PTPRM: variants seen among roughly 807,000 people sequenced by gnomAD.
PTPRM encodes protein tyrosine phosphatase receptor type M, also known as receptor-type tyrosine-protein phosphatase mu.
PTPRM carries 47 observed loss-of-function variants against 186.7 expected under a neutral mutation model. The ratio of observed to expected loss-of-function variants is 0.25; its 90% CI spans 0.20 to 0.32. PTPRM has a LOEUF of 0.32. Among genes scored for constraint, PTPRM ranks in the 10% least tolerant of loss-of-function variants. PTPRM has a pLI of 1.00. For synonymous variants in PTPRM, 668 were observed against 674.9 expected (o/e 0.99, Z 0.16); for missense variants, 1,494 against 1,865.0 (o/e 0.80, Z 3.66).
intron 2 of PTPRM, among the ~76,000 whole-genome samples, chr18:7,785,249 T>C (rs1423771090): frequency 6.6e-6 from 1 of 152,154 alleles, no homozygotes; most frequent in African/African-American, 2.4e-5. Context: ...TGAGTATGTG[T>C]AGAGGAAAAT....
At chr18:7,961,154 G>A (rs566255747) in intron 7 of PTPRM, among the ~76,000 whole-genome samples, 21 of 152,082 alleles carry the variant, frequency 1.4e-4, no homozygotes, top group Non-Finnish European at 2.8e-4. Flanking sequence ...TACACTCTTT[G>A]TTATTTTTAA....
chr18:7,826,150 G>A (rs1892068132), intron 2 of PTPRM, among the ~76,000 whole-genome samples: 1 of 152,056 alleles, frequency 6.6e-6, no homozygotes, highest in Non-Finnish European at 1.5e-5. Context: ...GGTGGTGTGA[G>A]CCTGCTCTGT....
In PTPRM at chr18:8,157,622, A is replaced by G. The variant is rs549154271; in HGVS notation, c.2300+13843A>G. ...CACAAAGTAAAATCATTCTTCAGCC[A>G]TGCTCAGCCACTAGTATTCCTTATG... On this transcript the variant is annotated intron_variant, in intron 14 of 32. Coordinates refer to ENST00000580170, the MANE Select transcript of PTPRM (RefSeq NM_001105244.2). Among the ~76,000 whole-genome samples, 545 of 152,358 alleles carry G rather than the reference A, an allele frequency of 3.6e-3. 3 individuals are homozygous for G. The highest frequency in any genetic ancestry group is 0.012 in the African/African-American group (500 of 41,600).
At chr18:7,825,396 A>G (rs995336868) in intron 2 of PTPRM, among the ~76,000 whole-genome samples, 3 of 152,352 alleles carry the variant, frequency 2.0e-5, no homozygotes, top group Admixed American at 2.0e-4. Context: ...GTACCATGAA[A>G]AAAATCACTG....
At chr18:7,805,086 A>C (rs1265057594) in intron 2 of PTPRM, among the ~76,000 whole-genome samples, 1 of 152,060 alleles carries the variant, frequency 6.6e-6, no homozygotes, top group Non-Finnish European at 1.5e-5. Context: ...ACTTGAAGTC[A>C]CTCTTCGTCT....
At chr18:7,837,678 G>C (rs556924356) in intron 2 of PTPRM, among the ~76,000 whole-genome samples, 75 of 152,126 alleles carry the variant, frequency 4.9e-4, no homozygotes, top group Non-Finnish European at 8.8e-4. Flanking sequence ...CCTGACCTCA[G>C]GTGATCCACC....
chr18:8,229,173 T>A (rs928885341), intron 14 of PTPRM, among the ~76,000 whole-genome samples: 14 of 152,064 alleles, frequency 9.2e-5, no homozygotes, highest in Middle Eastern at 3.4e-3. Context: ...AACAAACAAA[T>A]GTTTGGTGAG....
chr18:7,600,307 G>A (rs2037368543), intron 1 of PTPRM, among the ~76,000 whole-genome samples: 1 of 152,194 alleles, frequency 6.6e-6, no homozygotes, highest in African/African-American at 2.4e-5. Context: ...TCGAAGGCCA[G>A]CCATTGCCAT....
intron 4 of PTPRM, among the ~76,000 whole-genome samples, chr18:7,909,991 T>C (rs1285585857): frequency 6.6e-6 from 1 of 152,250 alleles, no homozygotes; most frequent in African/African-American, 2.4e-5. Context: ...AGAAGCATTT[T>C]ATTACAATAG....
At chr18:8,397,086 G>A (rs2148615096) in intron 32 of PTPRM, among the ~76,000 whole-genome samples, 1 of 152,370 alleles carries the variant, frequency 6.6e-6, no homozygotes, top group Middle Eastern at 3.4e-3. Flanking sequence ...AGTGTACTGA[G>A]TCTACTTAGC....
chr18:8,049,289 G>A (rs2087295284), intron 7 of PTPRM: 1 of 152,110 alleles, frequency 6.6e-6, no homozygotes, highest in Non-Finnish European at 1.5e-5. Flanking sequence ...TGTCACCAAG[G>A]AGCTCAAGCA....
At chr18:8,368,690 G>A (rs2095646953) in intron 23 of PTPRM, among the ~76,000 whole-genome samples, 1 of 152,172 alleles carries the variant, frequency 6.6e-6, no homozygotes, top group Non-Finnish European at 1.5e-5. Flanking sequence ...GCACCTCAGG[G>A]GGTTGGCATT....
At chr18:8,111,481 C>T (rs758206496) in intron 11 of PTPRM, among the ~76,000 whole-genome samples, 23 of 152,040 alleles carry the variant, frequency 1.5e-4, no homozygotes, top group Non-Finnish European at 2.9e-4. Context: ...GGTGTGGTGG[C>T]GGGCGCCTGT....
intron 1 of PTPRM, among the ~76,000 whole-genome samples, chr18:7,706,601 CA>C (rs766639399): frequency 0.051 from 814 of 16,106 alleles, no homozygotes; most frequent in African/African-American, 0.078. Flanking sequence ...GACCTTGTCT[CA>C]AAAAAAAAAA....
At chr18:7,854,502 A>G (rs1488113050) in intron 2 of PTPRM, among the ~76,000 whole-genome samples, 2 of 152,172 alleles carry the variant, frequency 1.3e-5, no homozygotes, top group South Asian at 2.1e-4. Flanking sequence ...TCCATTACAG[A>G]TGGAAAGTTT....
intron 28 of PTPRM, among the ~76,000 whole-genome samples, chr18:8,379,673 C>G (rs2095719150): frequency 6.6e-6 from 1 of 152,254 alleles, no homozygotes; most frequent in South Asian, 2.1e-4. Context: ...TATTTTAGTT[C>G]ATTTTCCTGT....
intron 11 of PTPRM, among the ~76,000 whole-genome samples, chr18:8,111,414 C>A (rs1324545816): frequency 1.3e-5 from 2 of 152,090 alleles, no homozygotes; most frequent in Non-Finnish European, 2.9e-5. Context: ...AGATTGAGAT[C>A]CTGGCTAACA....
chr18:8,259,164 G>A (rs1336024957), intron 19 of PTPRM, among the ~76,000 whole-genome samples: 8 of 152,094 alleles, frequency 5.3e-5, no homozygotes, highest in Non-Finnish European at 7.3e-5. Flanking sequence ...ACCCAGGCTG[G>A]TCTCAAACTC....
intron 1 of PTPRM, among the ~76,000 whole-genome samples, chr18:7,732,773 G>A (rs1013612214): frequency 6.6e-6 from 1 of 152,132 alleles, no homozygotes; most frequent in Non-Finnish European, 1.5e-5. Context: ...CAAAAACGCT[G>A]AGATTTCAGG....
Sources: gnomAD v4.1 joint callset for allele counts (sites outside exome capture counted in the v4.1 genomes callset) on GRCh38, gnomAD v4.1.1 for gene constraint, MANE v1.5 for transcripts, NCBI Gene and HGNC (gene_info 2026-07-23, HGNC 2026-07-21) for gene names.